Variants in PRDM2 observed in about 807,000 individuals in gnomAD.
PRDM2 encodes the protein PR/SET domain 2.
In PRDM2, 30 loss-of-function variants were observed where a neutral mutation model predicts 130.0. The ratio of observed to expected loss-of-function variants is 0.23; its 90% confidence interval spans 0.17 to 0.31. The LOEUF (loss-of-function observed/expected upper bound fraction) is 0.31, where lower values mean the gene tolerates loss of function less well. Among genes scored for constraint, PRDM2 ranks in the 10% least tolerant of loss-of-function variants. PRDM2 has a pLI of 1.00. For synonymous variants in PRDM2, 871 were observed against 782.4 expected (o/e 1.11, Z -1.89); for missense variants, 2,011 against 2,108.4 (o/e 0.95, Z 0.90).
chr1:13,781,840 C>T lies in PRDM2; in HGVS notation c.4045C>T (p.His1349Tyr). The T allele has an allele frequency of 6.2e-7, 1 of 1,614,148 alleles. No homozygotes were observed. Reference protein sequence around the residue: ...GKGVDNMPELHKHILACASAS... With the variant: ...GKGVDNMPELYKHILACASAS... ...AGGTGTCGACAATATGCCGGAGTTG[C>T]ACAAACATATCCTGGCTTGTGCTTC... Residue 1349 changes from histidine to tyrosine, a missense_variant, in exon 8 of 10, where the codon CAC becomes TAC. Physicochemically the swap from His to Tyr is moderately conservative, Grantham distance 83. Coordinates refer to ENST00000311066, the MANE Select transcript of PRDM2 (RefSeq NM_001393986.1). The surrounding 1 kb of genome is among the most constrained non-coding windows in gnomAD (Gnocchi z 6.1).
intron 4 of PRDM2, chr1:13,738,815 C>G (rs770309978): frequency 6.6e-6 from 1 of 152,132 alleles, no homozygotes; most frequent in Non-Finnish European, 1.5e-5. Context: ...ATACTGAAGA[C>G]CCGTTTTTGT....
chr1:13,751,210 AT>A lies in PRDM2; in HGVS notation c.511+1728del, dbSNP rs569512341. 3.4e-3 allele frequency among the ~76,000 whole-genome samples: 512 copies of A among 152,276 alleles called. 5 individuals carry two copies. Among genetic ancestry groups the A allele is most frequent in the African/African-American group, 0.012 (495 of 41,556 alleles). Reference sequence around the variant, plus strand: ...AGTGATATATGAACTTAATAGCTGCATTTTTATACCTGCGTAGACTGTTGGT... The same window carrying A: ...AGTGATATATGAACTTAATAGCTGCATTTTATACCTGCGTAGACTGTTGGT... On this transcript the variant is annotated intron_variant, in intron 6 of 9. Transcript: ENST00000311066.
At chr1:13,760,949 G>T (rs116360324) in intron 6 of PRDM2, among the ~76,000 whole-genome samples, 2,806 of 152,296 alleles carry the variant, frequency 0.018, 64 homozygotes, top group South Asian at 0.12. Flanking sequence ...TGAATTAAGT[G>T]GGTTTCAAAT....
At chr1:13,798,151 A>G (rs1370797171) in intron 8 of PRDM2, among the ~76,000 whole-genome samples, 1 of 152,164 alleles carries the variant, frequency 6.6e-6, no homozygotes, top group Non-Finnish European at 1.5e-5. Context: ...CACCCACCGT[A>G]GGCCTGAGCA....
chr1:13,738,725 T>C (rs1214676070), intron 4 of PRDM2: 1 of 152,250 alleles, frequency 6.6e-6, no homozygotes, highest in Non-Finnish European at 1.5e-5. Flanking sequence ...TCAGAACATT[T>C]TAGAATACAG....
rs1416388978 is a variant in PRDM2, at chr1:13,782,398, A to C, written c.4603A>C (p.Arg1535=). ...QSMQTPLGKT[R]ARSSGPTQVP... is the part of the protein sequence containing the mutation. ...CATGCAGACTCCGTTGGGCAAGACCAGAGCCCGCAGCTCAGGCCCCACCCA... is the reference window on the plus strand; with the variant it reads ...CATGCAGACTCCGTTGGGCAAGACCCGAGCCCGCAGCTCAGGCCCCACCCA... The change falls in exon 8 of 10, where the codon AGA becomes CGA. Residue 1535 remains arginine, a synonymous_variant. Transcript: ENST00000311066. 2.5e-6 allele frequency: 4 copies of C among 1,614,022 alleles called. No individual in the cohort carries two copies. Among genetic ancestry groups the C allele is most frequent in the Non-Finnish European group, 3.4e-6 (4 of 1,180,024 alleles).
rs187402417 is a variant in PRDM2 at position 13,730,435 on chromosome 1, C to T, written c.10-565C>T. Among the ~76,000 whole-genome samples the T allele has an allele frequency of 3.3e-3, 505 of 152,062 alleles. 2 individuals are homozygous for T. The highest frequency in any genetic ancestry group is 5.6e-3 in the Non-Finnish European group (378 of 68,002). ...GTAAACAGTGGTAAATTACTGTTTC[C>T]TGGAAAGGTGGCACTTGCAGTAAGG... On this transcript the variant is annotated intron_variant, in intron 2 of 9. Transcript: ENST00000311066.
intron 1 of PRDM2, among the ~76,000 whole-genome samples, chr1:13,706,006 TG>T (rs1373113981): frequency 8.0e-6 from 1 of 124,908 alleles, no homozygotes; most frequent in African/African-American, 3.0e-5. Context: ...AAAAAAAAAA[TG>T]GAGCTCACCA....
At chr1:13,729,262 A>C (rs1288031798) in intron 2 of PRDM2, among the ~76,000 whole-genome samples, 1 of 152,204 alleles carries the variant, frequency 6.6e-6, no homozygotes, top group Non-Finnish European at 1.5e-5. Flanking sequence ...GTATCCGTTT[A>C]GGTTAGCAGA....
intron 8 of PRDM2, among the ~76,000 whole-genome samples, chr1:13,808,582 G>A (rs1262785820): frequency 6.6e-6 from 1 of 151,980 alleles, no homozygotes; most frequent in Non-Finnish European, 1.5e-5. Flanking sequence ...AGCATCTTGG[G>A]GAGCATAGTA....
chr1:13,781,447 G>T lies in PRDM2; in HGVS notation c.3652G>T (p.Val1218Leu), dbSNP rs1644610842. ...QHQRDLHPDK[V>L]CTHHEFESGT... ...CCAGCGAGATCTCCACCCAGATAAG[G>T]TGTGCACACATCACGAGTTTGAAAG... Residue 1218 changes from valine to leucine, a missense_variant, in exon 8 of 10, where the codon GTG becomes TTG. By Grantham distance (32) the Val-to-Leu change is conservative. Coordinates refer to ENST00000311066, the MANE Select transcript of PRDM2 (RefSeq NM_001393986.1). The surrounding 1 kb of genome is among the most constrained non-coding windows in gnomAD (Gnocchi z 6.1). 1.2e-6 allele frequency: 2 copies of T among 1,613,994 alleles called. No homozygotes were observed. Among genetic ancestry groups the T allele is most frequent in the Non-Finnish European group, 1.7e-6 (2 of 1,180,014 alleles).
intron 2 of PRDM2, among the ~76,000 whole-genome samples, chr1:13,717,034 G>A (rs1257862982): frequency 6.6e-6 from 1 of 152,120 alleles, no homozygotes; most frequent in Non-Finnish European, 1.5e-5. Flanking sequence ...GTGCTGCATT[G>A]AGAGATGTGA....
At chr1:13,782,984 T>C in intron 8 of PRDM2, 153 bp downstream of exon 8, 1 of 1,485,676 alleles carries the variant, frequency 6.7e-7, no homozygotes, top group Non-Finnish European at 9.0e-7. Flanking sequence ...GGGTCATTGC[T>C]TTGGCTGCTT....
chr1:13,755,670 G>GT (rs1022705713), intron 6 of PRDM2, among the ~76,000 whole-genome samples: 27 of 149,156 alleles, frequency 1.8e-4, no homozygotes, highest in African/African-American at 4.4e-4. Context: ...CTCGTTCAGT[G>GT]TTTTTTTTTC....
chr1:13,711,754 T>C lies in PRDM2; in HGVS notation c.-65-3787T>C, dbSNP rs143993019. Reference sequence around the variant, plus strand: ...ATTTTATGTATATAGCTTGACAATTTTGTGAGTCCAAGAGGGAGAGAGGAA... The same window carrying C: ...ATTTTATGTATATAGCTTGACAATTCTGTGAGTCCAAGAGGGAGAGAGGAA... On this transcript the variant is annotated intron_variant, in intron 1 of 9. Coordinates refer to ENST00000311066, the MANE Select transcript of PRDM2 (RefSeq NM_001393986.1). Among the ~76,000 whole-genome samples the C allele has an allele frequency of 4.4e-3, 665 of 152,306 alleles. 5 individuals carry two copies. Among genetic ancestry groups the C allele is most frequent in the African/African-American group, 0.015 (640 of 41,558 alleles).
At chr1:13,776,407 T>A (rs1557642705) in intron 7 of PRDM2, among the ~76,000 whole-genome samples, 1 of 152,292 alleles carries the variant, frequency 6.6e-6, no homozygotes, top group East Asian at 1.9e-4. Context: ...CAAGTGGGAC[T>A]GTCGCGACAG....
At chr1:13,722,957 C>G (rs1303665252) in intron 2 of PRDM2, 1 of 434,560 alleles carries the variant, frequency 2.3e-6, no homozygotes, top group Non-Finnish European at 4.6e-6. Flanking sequence ...ACTCTCCTGC[C>G]CAAACCCTCT....
At chr1:13,788,430 G>T (rs1644784140) in intron 8 of PRDM2, among the ~76,000 whole-genome samples, 1 of 152,188 alleles carries the variant, frequency 6.6e-6, no homozygotes, top group Non-Finnish European at 1.5e-5. Context: ...GGCTTCCAAA[G>T]AATGAAACCA....
intron 1 of PRDM2, among the ~76,000 whole-genome samples, chr1:13,709,207 A>G (rs1418727011): frequency 6.7e-6 from 1 of 149,910 alleles, no homozygotes; most frequent in African/African-American, 2.5e-5. Context: ...GGTTTTTTGG[A>G]TATGTTTTTA....
Sources: allele counts gnomAD v4.1 joint callset (sites outside exome capture counted in the v4.1 genomes callset), GRCh38; gene constraint gnomAD v4.1.1; non-coding constraint Gnocchi (gnomAD v3.1); transcripts MANE v1.5; gene names NCBI Gene and HGNC (gene_info 2026-07-23, HGNC 2026-07-21).